Variants in TANGO6 observed in about 807,000 individuals in gnomAD.
TANGO6 encodes the protein transport and golgi organization 6 homolog.
In TANGO6, 90 loss-of-function variants were observed where a neutral mutation model predicts 114.2. The observed-to-expected ratio is 0.79, with a 90% CI of 0.66 to 0.94. TANGO6 has a LOEUF of 0.94. Among genes scored for constraint, TANGO6 ranks in the 40% least tolerant of loss-of-function variants. TANGO6 has a pLI of 0.00. For synonymous variants in TANGO6, 477 were observed against 509.8 expected (o/e 0.94, Z 0.87); for missense variants, 1,274 against 1,315.3 (o/e 0.97, Z 0.49).
At chr16:68,859,137 C>T (rs1962045755) in intron 1 of TANGO6, among the ~76,000 whole-genome samples, 1 of 152,104 alleles carries the variant, frequency 6.6e-6, no homozygotes, top group Admixed American at 6.6e-5. Context: ...ATGTAAGTTC[C>T]ATGAGGAAGA....
At chr16:68,877,134 C>T (rs1298740836) in intron 5 of TANGO6, among the ~76,000 whole-genome samples, 1 of 152,170 alleles carries the variant, frequency 6.6e-6, no homozygotes, top group East Asian at 1.9e-4. Context: ...TTTACCCACA[C>T]AATGTGTTAC....
At chr16:69,018,705 G>T (rs1017210209) in intron 15 of TANGO6, among the ~76,000 whole-genome samples, 6 of 151,528 alleles carry the variant, frequency 4.0e-5, no homozygotes, top group Non-Finnish European at 8.8e-5. Flanking sequence ...GGCGGATCAC[G>T]AGGTCAGGAG....
intron 16 of TANGO6, among the ~76,000 whole-genome samples, chr16:69,024,329 C>G (rs552401807): frequency 2.0e-5 from 3 of 151,598 alleles, no homozygotes; most frequent in Non-Finnish European, 4.4e-5. Context: ...TGCAGTGGCA[C>G]GATCTCGGCT....
intron 14 of TANGO6, among the ~76,000 whole-genome samples, chr16:68,941,076 G>A (rs1180866075): frequency 6.6e-6 from 1 of 152,144 alleles, no homozygotes; most frequent in Admixed American, 6.6e-5. Flanking sequence ...TTTAGTCAAA[G>A]CCTTGGTAAT....
chr16:69,023,198 G>A (rs943819090), intron 16 of TANGO6, among the ~76,000 whole-genome samples: 1 of 152,162 alleles, frequency 6.6e-6, no homozygotes, highest in Non-Finnish European at 1.5e-5. Context: ...GCTTGCACCT[G>A]TAATCCCAGC....
At chr16:69,028,365 C>T (rs921203647) in intron 16 of TANGO6, among the ~76,000 whole-genome samples, 1 of 152,126 alleles carries the variant, frequency 6.6e-6, no homozygotes, top group Non-Finnish European at 1.5e-5. Flanking sequence ...TGCAGAGGCC[C>T]ACGCCTATAA....
At chr16:68,871,744 T>G (rs937535823) in intron 4 of TANGO6, among the ~76,000 whole-genome samples, 2 of 152,158 alleles carry the variant, frequency 1.3e-5, no homozygotes, top group African/African-American at 4.8e-5. Context: ...CTCAGCCTTC[T>G]GAGCAGCTGG....
At chr16:68,975,384 C>T (rs1010725336) in intron 15 of TANGO6, among the ~76,000 whole-genome samples, 12 of 151,086 alleles carry the variant, frequency 7.9e-5, no homozygotes, top group African/African-American at 1.9e-4. Context: ...TGAACTGCCG[C>T]GCTTTTTTTT....
At position 68,906,500 on chromosome 16, in the gene TANGO6, A is replaced by T. The variant is rs529145747; in HGVS notation, c.1668-943A>T. Among the ~76,000 whole-genome samples the T allele has an allele frequency of 5.9e-5, 9 of 151,816 alleles. No homozygotes were observed. The East Asian group carries it at 1.7e-3, about 29-fold the overall frequency. ...TCTTTGTTTTTCCTCAGGACCCAGA[A>T]TATCTGCATATGACTTATACTTTAA... On this transcript the variant is annotated intron_variant, in intron 9 of 17. Coordinates refer to ENST00000261778, the MANE Select transcript of TANGO6 (RefSeq NM_024562.2).
At chr16:69,050,201 A>G (rs1294222183) in intron 17 of TANGO6, among the ~76,000 whole-genome samples, 1 of 152,212 alleles carries the variant, frequency 6.6e-6, no homozygotes, top group Non-Finnish European at 1.5e-5. Context: ...CCAGCAATGC[A>G]TGAGGTTTCC....
intron 15 of TANGO6, among the ~76,000 whole-genome samples, chr16:68,977,547 T>C (rs1255268383): frequency 6.6e-6 from 1 of 150,426 alleles, no homozygotes; most frequent in Non-Finnish European, 1.5e-5. Flanking sequence ...CTACTAAAAA[T>C]ACAAAATTAG....
intron 16 of TANGO6, among the ~76,000 whole-genome samples, chr16:69,029,730 T>C (rs1959562660): frequency 6.6e-6 from 1 of 152,136 alleles, no homozygotes; most frequent in African/African-American, 2.4e-5. Context: ...ATTTTATTTT[T>C]CTATATTAAG....
At chr16:69,021,847 A>G (rs1959410877) in intron 15 of TANGO6, among the ~76,000 whole-genome samples, 1 of 147,818 alleles carries the variant, frequency 6.8e-6, no homozygotes, top group African/African-American at 2.5e-5. Context: ...TATACTTATG[A>G]TATATACATT....
chr16:68,866,211 T>C (rs1962175107), intron 3 of TANGO6, among the ~76,000 whole-genome samples: 1 of 152,216 alleles, frequency 6.6e-6, no homozygotes, highest in Non-Finnish European at 1.5e-5. Flanking sequence ...TTTTTTACTT[T>C]CTTAAAAGTA....
At chr16:68,845,245 G>A (rs111954820) in intron 1 of TANGO6, among the ~76,000 whole-genome samples, 5 of 152,238 alleles carry the variant, frequency 3.3e-5, no homozygotes, top group African/African-American at 1.2e-4. Context: ...TGGGATTACA[G>A]GCCTGAGCCA....
chr16:68,978,084 T>C (rs1963782687), intron 15 of TANGO6, among the ~76,000 whole-genome samples: 1 of 152,196 alleles, frequency 6.6e-6, no homozygotes. Flanking sequence ...GCCAGACAAG[T>C]ACACCATTAT....
chr16:68,919,437 AG>A (rs1327312512), intron 12 of TANGO6, among the ~76,000 whole-genome samples: 2 of 152,210 alleles, frequency 1.3e-5, no homozygotes, highest in African/African-American at 4.8e-5. Context: ...CACTATCAGA[AG>A]GGCAGGGTCC....
intron 7 of TANGO6, among the ~76,000 whole-genome samples, chr16:68,882,311 A>G (rs752092585): frequency 2.6e-4 from 39 of 151,992 alleles, no homozygotes; most frequent in Non-Finnish European, 4.1e-4. Flanking sequence ...CCTGGCTAAC[A>G]TGGTGAAACC....
chr16:69,071,875 C>G (rs1960299998), intron 17 of TANGO6, among the ~76,000 whole-genome samples: 1 of 152,246 alleles, frequency 6.6e-6, no homozygotes, highest in Admixed American at 6.5e-5. Context: ...GTCTTTTACT[C>G]ACACCTTCCC....
Sources: allele counts gnomAD v4.1 joint callset (sites outside exome capture counted in the v4.1 genomes callset), GRCh38; gene constraint gnomAD v4.1.1; transcripts MANE v1.5; gene names NCBI Gene and HGNC (gene_info 2026-07-23, HGNC 2026-07-21).